ADAM12: variants seen among roughly 807,000 people sequenced by gnomAD.
The protein encoded by ADAM12 is ADAM metallopeptidase domain 12.
Under a neutral mutation model 106.4 loss-of-function variants are expected in ADAM12, and 70 were observed. The observed-to-expected ratio is 0.66, with a 90% CI of 0.54 to 0.80. The LOEUF is 0.80. Among genes scored for constraint, ADAM12 ranks in the 30% least tolerant of loss-of-function variants. ADAM12 has a pLI of 0.00. For missense variants in ADAM12, 1,010 were observed against 1,171.9 expected (o/e 0.86, Z 2.02); for synonymous variants, 420 against 433.5 (o/e 0.97, Z 0.39).
chr10:126,054,083 T>C (rs74158096), intron 14 of ADAM12, among the ~76,000 whole-genome samples: 4,027 of 152,246 alleles, frequency 0.026, 182 homozygotes, highest in African/African-American at 0.09. Context: ...TTTTTTCTTC[T>C]GTTATGTTAT....
Position 126,043,176 on chromosome 10 carries a change from G to A in ADAM12, c.1996-28C>T, listed in dbSNP as rs1565006574. ...TTCAGGGCAGAGGGGAGGGACGTGG[G>A]GTTAGGGCATATGCTCTGTGCATCA... On this transcript the variant is annotated intron_variant, in intron 17 of 22. Transcript: ENST00000448723. This position sits in a 1 kb window ranked among gnomAD's most constrained non-coding sequence, Gnocchi z 4.1. The A allele has an allele frequency of 1.9e-6, 3 of 1,605,550 alleles. No homozygotes were observed. In the African/African-American group the frequency reaches 4.0e-5, roughly 21 times the overall value.
intron 14 of ADAM12, among the ~76,000 whole-genome samples, chr10:126,054,059 T>C (rs1954572682): frequency 6.6e-6 from 1 of 152,186 alleles, no homozygotes; most frequent in South Asian, 2.1e-4. Context: ...TCCGGCTTTC[T>C]CAAGATGCTG....
intron 3 of ADAM12, among the ~76,000 whole-genome samples, chr10:126,166,539 C>G (rs1270757925): frequency 6.6e-6 from 1 of 151,792 alleles, no homozygotes; most frequent in Non-Finnish European, 1.5e-5. Context: ...CGTTTTATCA[C>G]CAGGCTGGAG....
intron 21 of ADAM12, among the ~76,000 whole-genome samples, chr10:126,025,665 A>T (rs368051963): frequency 3.3e-5 from 5 of 152,206 alleles, no homozygotes; most frequent in African/African-American, 1.2e-4. Flanking sequence ...TGACCCACAA[A>T]AATCTCATCC....
intron 3 of ADAM12, among the ~76,000 whole-genome samples, chr10:126,161,047 C>T (rs531021674): frequency 7.4e-4 from 112 of 152,322 alleles, no homozygotes; most frequent in African/African-American, 2.5e-3. Flanking sequence ...CTATTAGCCC[C>T]CATCGCAGTC....
intron 1 of ADAM12, among the ~76,000 whole-genome samples, chr10:126,339,742 G>C (rs746444456): frequency 1.3e-4 from 20 of 152,258 alleles, no homozygotes; most frequent in Non-Finnish European, 2.2e-4. Flanking sequence ...GATGCAGAGA[G>C]GGAGGAGCAG....
chr10:126,241,252 G>A (rs1590667655), intron 3 of ADAM12, among the ~76,000 whole-genome samples: 2 of 152,308 alleles, frequency 1.3e-5, no homozygotes, highest in East Asian at 3.9e-4. Flanking sequence ...GACTTTAACA[G>A]GTTTGGGGGT....
At chr10:126,252,279 TTAGA>T (rs931954801) in intron 3 of ADAM12, among the ~76,000 whole-genome samples, 2 of 150,008 alleles carry the variant, frequency 1.3e-5, no homozygotes, top group South Asian at 2.1e-4. Flanking sequence ...GGAGAATGGA[TTAGA>T]TAGATGGATG....
chr10:126,091,300 C>T (rs1955460430), intron 11 of ADAM12, among the ~76,000 whole-genome samples: 1 of 152,210 alleles, frequency 6.6e-6, no homozygotes, highest in African/African-American at 2.4e-5. Flanking sequence ...AAGAGAACCA[C>T]CATTTTGAGA....
At chr10:126,231,408 C>T (rs1958308178) in intron 3 of ADAM12, among the ~76,000 whole-genome samples, 1 of 151,020 alleles carries the variant, frequency 6.6e-6, no homozygotes, top group Admixed American at 6.6e-5. Flanking sequence ...AAAAAAGCAC[C>T]AGCTATTGGG....
At chr10:126,259,661 A>G (rs893866218) in intron 3 of ADAM12, among the ~76,000 whole-genome samples, 5 of 152,220 alleles carry the variant, frequency 3.3e-5, no homozygotes, top group African/African-American at 7.2e-5. Flanking sequence ...GCTATCATTC[A>G]TCATCCATGC....
At chr10:126,224,665 A>G (rs547757482) in intron 3 of ADAM12, among the ~76,000 whole-genome samples, 2 of 152,336 alleles carry the variant, frequency 1.3e-5, no homozygotes, top group South Asian at 4.1e-4. Context: ...CTGAATCACA[A>G]CATACCAGCT....
At chr10:126,077,273 A>C (rs1050190231) in intron 11 of ADAM12, among the ~76,000 whole-genome samples, 7 of 152,216 alleles carry the variant, frequency 4.6e-5, no homozygotes, top group African/African-American at 1.4e-4. Context: ...TAAACAAAAA[A>C]ATATTCCATG....
chr10:126,132,181 G>A (rs1176513151), intron 5 of ADAM12, among the ~76,000 whole-genome samples: 1 of 152,062 alleles, frequency 6.6e-6, no homozygotes, highest in African/African-American at 2.4e-5. Context: ...CACCATGTTG[G>A]CCAGAATGGT....
intron 11 of ADAM12, among the ~76,000 whole-genome samples, chr10:126,072,333 C>T (rs972019656): frequency 3.3e-5 from 5 of 152,146 alleles, no homozygotes; most frequent in African/African-American, 1.2e-4. Flanking sequence ...AAGTTATGCT[C>T]CCCTTCTGTG....
Position 126,088,626 on chromosome 10 carries a change from C to T in ADAM12, c.1145+5359G>A, listed in dbSNP as rs995610333. 2.6e-5 allele frequency among the ~76,000 whole-genome samples: 4 copies of T among 151,704 alleles called. No homozygotes were observed. In the East Asian group the frequency reaches 7.7e-4, roughly 29 times the overall value. ...TCGGGAGGCTGAGGTGGGAGGATTGCTTGAACCTGGGAGACAGAGGTTGCA... is the reference window on the plus strand; with the variant it reads ...TCGGGAGGCTGAGGTGGGAGGATTGTTTGAACCTGGGAGACAGAGGTTGCA... On this transcript the variant is annotated intron_variant, in intron 11 of 22. Coordinates refer to ENST00000448723, the MANE Select transcript of ADAM12 (RefSeq NM_001288973.2).
At chr10:126,353,663 T>C (rs1430725552) in intron 1 of ADAM12, among the ~76,000 whole-genome samples, 1 of 152,238 alleles carries the variant, frequency 6.6e-6, no homozygotes, top group Non-Finnish European at 1.5e-5. Context: ...ATAAGAGATT[T>C]ATGACTCTTC....
intron 11 of ADAM12, among the ~76,000 whole-genome samples, chr10:126,073,979 A>G (rs1955050764): frequency 6.6e-6 from 1 of 152,248 alleles, no homozygotes; most frequent in Non-Finnish European, 1.5e-5. Flanking sequence ...TTCTCTTTGC[A>G]AAAAGAAAGA....
At chr10:126,322,734 C>T (rs1157171919) in intron 2 of ADAM12, among the ~76,000 whole-genome samples, 3 of 152,210 alleles carry the variant, frequency 2.0e-5, no homozygotes, top group Non-Finnish European at 4.4e-5. Flanking sequence ...ATGACAAGCC[C>T]AACGCCACAC....
Sources: gnomAD v4.1 joint callset for allele counts (sites outside exome capture counted in the v4.1 genomes callset) on GRCh38, gnomAD v4.1.1 for gene constraint, Gnocchi (gnomAD v3.1) non-coding constraint, MANE v1.5 for transcripts, NCBI Gene and HGNC (gene_info 2026-07-23, HGNC 2026-07-21) for gene names.